The following KCNH5 variants were observed in gnomAD, a reference collection of about 807,000 sequenced individuals.
The protein encoded by KCNH5 is voltage-gated delayed rectifier potassium channel KCNH5.
In KCNH5, 46 loss-of-function variants were observed where a neutral mutation model predicts 96.1. That is an observed-to-expected ratio of 0.48 (90% confidence interval 0.38 to 0.61). KCNH5 has a LOEUF of 0.61. Among genes scored for constraint, KCNH5 ranks in the 20% least tolerant of loss-of-function variants. The pLI, the probability that KCNH5 is intolerant of heterozygous loss-of-function variation, is 0.00. For synonymous variants in KCNH5, 439 were observed against 449.8 expected (o/e 0.98, Z 0.30); for missense variants, 907 against 1,225.8 (o/e 0.74, Z 3.88).
At chr14:62,750,206 C>T (rs555377604) in intron 10 of KCNH5, among the ~76,000 whole-genome samples, 13 of 152,218 alleles carry the variant, frequency 8.5e-5, no homozygotes, top group African/African-American at 3.1e-4. Flanking sequence ...GTTCACAGGC[C>T]CTAGTTACCG....
intron 8 of KCNH5, among the ~76,000 whole-genome samples, chr14:62,817,791 T>C (rs1221046119): frequency 6.9e-6 from 1 of 145,734 alleles, no homozygotes; most frequent in Non-Finnish European, 1.5e-5. Context: ...TATATATATA[T>C]ATTCTATATA....
At chr14:63,019,393 T>C (rs1184311252) in intron 1 of KCNH5, among the ~76,000 whole-genome samples, 2 of 151,892 alleles carry the variant, frequency 1.3e-5, no homozygotes, top group East Asian at 1.9e-4. Flanking sequence ...AAATAAAATA[T>C]GAAAAAGTAG....
intron 10 of KCNH5, among the ~76,000 whole-genome samples, chr14:62,711,098 T>C (rs765281481): frequency 1.3e-5 from 2 of 152,198 alleles, no homozygotes; most frequent in African/African-American, 2.4e-5. Flanking sequence ...ATATAATGGC[T>C]AATAATTGCT....
At chr14:62,781,217 A>C in intron 9 of KCNH5, among the ~76,000 whole-genome samples, 1 of 152,108 alleles carries the variant, frequency 6.6e-6, no homozygotes. Context: ...TTTATTAGGG[A>C]TTTTCAAAAG....
rs369384497 is a variant in KCNH5 at position 63,045,102 on chromosome 14, A to C, written c.73+12T>G. ...TGGAGGTGGGGGTGTTCTGAACTAC[A>C]ACTCTCCTTACCACTGGAGCGCCTG... On this transcript the variant is annotated intron_variant, in intron 1 of 10. Coordinates refer to ENST00000322893, the MANE Select transcript of KCNH5 (RefSeq NM_139318.5). 33 of 1,610,994 alleles carry C rather than the reference A, an allele frequency of 2.0e-5. No homozygotes were observed. Among genetic ancestry groups the C allele is most frequent in the Non-Finnish European group, 2.6e-5 (31 of 1,177,614 alleles).
At chr14:63,008,584 C>T (rs990888156) in intron 2 of KCNH5, among the ~76,000 whole-genome samples, 1 of 151,712 alleles carries the variant, frequency 6.6e-6, no homozygotes, top group African/African-American at 2.4e-5. Flanking sequence ...AAACCTGAAT[C>T]CTTCATTTTT....
At chr14:62,985,492 T>C (rs967711822) in intron 5 of KCNH5, among the ~76,000 whole-genome samples, 1 of 152,232 alleles carries the variant, frequency 6.6e-6, no homozygotes, top group Non-Finnish European at 1.5e-5. Flanking sequence ...GTATGGATTT[T>C]ATCTTTCTCT....
At chr14:63,029,110 CA>C (rs1891578176) in intron 1 of KCNH5, among the ~76,000 whole-genome samples, 1 of 152,100 alleles carries the variant, frequency 6.6e-6, no homozygotes, top group Non-Finnish European at 1.5e-5. Context: ...TTATGGAGGA[CA>C]AACATGAAAA....
rs991306632 is a variant in KCNH5, at chr14:62,701,769, A to T, written c.*5739T>A. 1 of 152,088 alleles carries T rather than the reference A, an allele frequency of 6.6e-6. No individual in the cohort carries two copies. The highest frequency in any genetic ancestry group is 2.4e-5 in the African/African-American group (1 of 41,426). 9.4% of individuals were successfully genotyped at this position (152,088 alleles called of 1,614,324 possible). On this transcript the variant is annotated 3_prime_UTR_variant, in exon 11 of 11. Transcript: ENST00000322893. ...GTAGAACAAATAAATCACATTCAGA[A>T]AATTAACATTTTTTCATTAGAGAAA...
rs1478287115 is a variant in KCNH5, at chr14:62,981,037, CA to C, written c.776del (p.Leu259ArgfsTer6). On this transcript the variant is annotated frameshift_variant, in exon 6 of 11. Coordinates refer to ENST00000322893, the MANE Select transcript of KCNH5 (RefSeq NM_139318.5). LOFTEE classifies it high-confidence loss of function. ...TGTGAAAATTTAAAACGATGTCAAC[CA>C]GAAAAATAACGTCCACCACACTATC... ...VLDSVVDVIF[L>X]VDIVLNFHTT... 6.2e-7 allele frequency: 1 copy of C among 1,614,152 alleles called. No homozygotes were observed.
chr14:62,794,040 ACTC>A (rs1195823899), intron 9 of KCNH5, among the ~76,000 whole-genome samples: 5 of 151,916 alleles, frequency 3.3e-5, no homozygotes, highest in African/African-American at 4.8e-5. Context: ...TGTTCTAAGA[ACTC>A]ATGACATTCA....
intron 7 of KCNH5, among the ~76,000 whole-genome samples, chr14:62,915,960 CT>C (rs71451285): frequency 6.5e-4 from 89 of 136,062 alleles, no homozygotes; most frequent in Non-Finnish European, 6.6e-4. Flanking sequence ...TCTTTTTTTT[CT>C]TTTTTTTTTT....
intron 7 of KCNH5, among the ~76,000 whole-genome samples, chr14:62,942,906 C>T (rs1016661855): frequency 1.3e-5 from 2 of 152,132 alleles, no homozygotes; most frequent in African/African-American, 2.4e-5. Context: ...TTCTCATTGA[C>T]ATATACTGCA....
At chr14:62,785,600 G>A (rs1226155795) in intron 9 of KCNH5, among the ~76,000 whole-genome samples, 2 of 152,116 alleles carry the variant, frequency 1.3e-5, no homozygotes, top group Admixed American at 1.3e-4. Flanking sequence ...TTGTTGTTTG[G>A]TCTATTTATA....
Position 62,810,927 on chromosome 14 carries a change from G to A in KCNH5, c.1570-8346C>T, listed in dbSNP as rs539557421. ...CTCTCTTGGGGTCTGAATCAGGACC[G>A]CTTTCCTGTAACATATTTCTGGTGA... On this transcript the variant is annotated intron_variant, in intron 8 of 10. Transcript: ENST00000322893. Among the ~76,000 whole-genome samples, 228 of 152,054 alleles carry A rather than the reference G, an allele frequency of 1.5e-3. 2 individuals are homozygous for A. Among genetic ancestry groups the A allele is most frequent in the Middle Eastern group, 0.01 (3 of 294 alleles).
At chr14:62,985,063 G>A (rs1340355754) in intron 5 of KCNH5, among the ~76,000 whole-genome samples, 1 of 152,100 alleles carries the variant, frequency 6.6e-6, no homozygotes, top group Non-Finnish European at 1.5e-5. Context: ...TTTGCAGAAA[G>A]AAACAGGCAA....
intron 4 of KCNH5, among the ~76,000 whole-genome samples, chr14:62,997,899 C>CA (rs568941043): frequency 0.24 from 14,665 of 60,118 alleles, 1,533 homozygotes; most frequent in East Asian, 0.46. Context: ...GACTCCATCT[C>CA]AAAAAAAAAA....
chr14:62,755,397 A>G (rs2883764), intron 10 of KCNH5, among the ~76,000 whole-genome samples: 43,384 of 152,064 alleles, frequency 0.29, 6,780 homozygotes, highest in South Asian at 0.53. Flanking sequence ...AAGAAATCCA[A>G]AACTTGATAG....
At chr14:62,909,087 C>T (rs1889096551) in intron 7 of KCNH5, among the ~76,000 whole-genome samples, 1 of 121,218 alleles carries the variant, frequency 8.2e-6, no homozygotes, top group Non-Finnish European at 1.6e-5. Flanking sequence ...GCTCTGTCGC[C>T]CAGGCTGGAG....
Sources: gnomAD v4.1 joint callset for allele counts (sites outside exome capture counted in the v4.1 genomes callset) on GRCh38, gnomAD v4.1.1 for gene constraint, MANE v1.5 for transcripts, NCBI Gene and HGNC (gene_info 2026-07-23, HGNC 2026-07-21) for gene names.